Variants in PDZRN3 observed in about 807,000 individuals in gnomAD.
PDZRN3 encodes PDZ domain containing ring finger 3.
Under a neutral mutation model 85.7 loss-of-function variants are expected in PDZRN3, and 38 were observed. That is an observed-to-expected ratio of 0.44 (90% CI 0.34 to 0.58). The LOEUF (loss-of-function observed/expected upper bound fraction) is 0.58. Among genes scored for constraint, PDZRN3 ranks in the 20% least tolerant of loss-of-function variants. The pLI is 0.01. For missense variants in PDZRN3, 1,629 were observed against 1,506.4 expected, an observed-to-expected ratio of 1.08 and a Z score of -1.35; for synonymous variants, 759 against 638.0, an observed-to-expected ratio of 1.19 and a Z score of -2.86.
At position 73,391,118 on chromosome 3, in the gene PDZRN3, TAGAC is replaced by T; in HGVS notation, c.1255-6_1255-3del. The stretch of plus-strand genomic sequence containing the variant: ...GTTCATTCTGTAGAGGTCCACTTCC[TAGAC>T]AAAGAAAGGCATTCCCAGTGAGACT... On this transcript the variant is annotated splice_region_variant and splice_polypyrimidine_tract_variant and intron_variant, in intron 5 of 9. Transcript: ENST00000263666. The T allele has an allele frequency of 6.2e-7, 1 of 1,604,872 alleles. No individual in the cohort carries two copies. The highest frequency in any genetic ancestry group is 8.5e-7 in the Non-Finnish European group (1 of 1,171,896).
At chr3:73,619,661 G>A (rs1277484004) in intron 1 of PDZRN3, among the ~76,000 whole-genome samples, 1 of 152,200 alleles carries the variant, frequency 6.6e-6, no homozygotes, top group Admixed American at 6.5e-5. Flanking sequence ...AGGGGCACAT[G>A]CATCGACTCT....
intron 5 of PDZRN3, among the ~76,000 whole-genome samples, chr3:73,391,537 T>C (rs1701527801): frequency 6.6e-6 from 1 of 152,214 alleles, no homozygotes; most frequent in Non-Finnish European, 1.5e-5. Context: ...TCCCTTAATA[T>C]TCACAGTCAT....
At chr3:73,459,250 G>A (rs1703052986) in intron 3 of PDZRN3, among the ~76,000 whole-genome samples, 1 of 152,100 alleles carries the variant, frequency 6.6e-6, no homozygotes. Context: ...CTCCCACCAG[G>A]TCCCTCCCAT....
chr3:73,466,322 GAA>G (rs62777060), intron 3 of PDZRN3, among the ~76,000 whole-genome samples: 8 of 129,154 alleles, frequency 6.2e-5, no homozygotes, highest in African/African-American at 2.2e-4. Context: ...AAGAGTGATA[GAA>G]AAAAAAAAAA....
intron 3 of PDZRN3, among the ~76,000 whole-genome samples, chr3:73,426,397 T>C (rs1702316014): frequency 6.6e-6 from 1 of 152,178 alleles, no homozygotes; most frequent in African/African-American, 2.4e-5. Flanking sequence ...GAATATCAGA[T>C]GTATCTGAAA....
chr3:73,546,838 A>G (rs1701433463), intron 3 of PDZRN3, among the ~76,000 whole-genome samples: 1 of 152,230 alleles, frequency 6.6e-6, no homozygotes, highest in Non-Finnish European at 1.5e-5. Context: ...TGGAGGTGAT[A>G]TAATTTGTAA....
intron 1 of PDZRN3, among the ~76,000 whole-genome samples, chr3:73,621,966 A>G (rs2106922152): frequency 6.6e-6 from 1 of 152,344 alleles, no homozygotes; most frequent in Middle Eastern, 3.4e-3. Context: ...AGAAGAAATA[A>G]TAAACTAGCT....
intron 3 of PDZRN3, among the ~76,000 whole-genome samples, chr3:73,440,852 C>T (rs34856548): frequency 0.083 from 12,641 of 152,142 alleles, 581 homozygotes; most frequent in Middle Eastern, 0.18. Flanking sequence ...ACTTGGTTTC[C>T]CCTACTAACA....
At chr3:73,600,286 G>C (rs1487256952) in intron 3 of PDZRN3, among the ~76,000 whole-genome samples, 2 of 144,552 alleles carry the variant, frequency 1.4e-5, no homozygotes, top group African/African-American at 5.2e-5. Context: ...TAGAGACTTT[G>C]ACTCTTCTTA....
At chr3:73,601,823 C>A (rs1049953858) in intron 3 of PDZRN3, among the ~76,000 whole-genome samples, 1 of 152,110 alleles carries the variant, frequency 6.6e-6, no homozygotes, top group Non-Finnish European at 1.5e-5. Context: ...TATGTGAACC[C>A]TAATATCAAC....
intron 1 of PDZRN3, among the ~76,000 whole-genome samples, chr3:73,610,591 AG>A (rs1702668103): frequency 6.6e-6 from 1 of 152,216 alleles, no homozygotes; most frequent in Non-Finnish European, 1.5e-5. Context: ...GCTATCTTAA[AG>A]GGGTGAAAAG....
In PDZRN3 at chr3:73,383,173, A is replaced by T; in HGVS notation, c.*192T>A. 1.9e-6 allele frequency: 1 copy of T among 532,692 alleles called. No homozygotes were observed. The highest frequency in any genetic ancestry group is 3.0e-5 in the East Asian group (1 of 33,496). The allele number at this position is 532,692 out of a possible 1,614,324, so 33.0% of individuals were successfully genotyped here. On this transcript the variant is annotated 3_prime_UTR_variant, in exon 10 of 10. Transcript: ENST00000263666. ...GTTTGTTAATATTGCCTTCCAAGAT[A>T]GTAAGGGTGTTTTTCTCTCTCTTCC...
chr3:73,528,912 A>ATG (rs1704588490), intron 3 of PDZRN3, among the ~76,000 whole-genome samples: 2 of 138,026 alleles, frequency 1.4e-5, no homozygotes, highest in Admixed American at 7.3e-5. Context: ...ACACACACAC[A>ATG]CACACGCACA....
intron 3 of PDZRN3, chr3:73,408,357 C>T: frequency 1.6e-6 from 1 of 614,654 alleles, no homozygotes; most frequent in Non-Finnish European, 2.9e-6. Flanking sequence ...TAAGAATTTA[C>T]TAAGACTCCA....
chr3:73,498,903 T>C (rs1703921435), intron 3 of PDZRN3, among the ~76,000 whole-genome samples: 1 of 152,060 alleles, frequency 6.6e-6, no homozygotes, highest in East Asian at 1.9e-4. Context: ...CTTTTTACAA[T>C]ACACACAGCA....
At chr3:73,526,837 G>C (rs2106743636) in intron 3 of PDZRN3, among the ~76,000 whole-genome samples, 1 of 152,002 alleles carries the variant, frequency 6.6e-6, no homozygotes, top group South Asian at 2.1e-4. Flanking sequence ...ATAGGCGTCT[G>C]CCACCATGCC....
intron 3 of PDZRN3, among the ~76,000 whole-genome samples, chr3:73,464,488 A>G (rs1034057823): frequency 3.9e-5 from 6 of 152,192 alleles, no homozygotes; most frequent in Admixed American, 3.9e-4. Context: ...ACTCTCACAT[A>G]AGCTCTAAAC....
At chr3:73,450,602 A>C (rs757629971) in intron 3 of PDZRN3, among the ~76,000 whole-genome samples, 1 of 152,246 alleles carries the variant, frequency 6.6e-6, no homozygotes, top group African/African-American at 2.4e-5. Flanking sequence ...ATACATACAT[A>C]CATTCCAAAT....
Position 73,404,367 on chromosome 3 carries a change from G to A in PDZRN3, c.947C>T (p.Thr316Ile). 6.2e-7 allele frequency: 1 copy of A among 1,614,144 alleles called. No individual in the cohort carries two copies. Among genetic ancestry groups the A allele is most frequent in the Non-Finnish European group, 8.5e-7 (1 of 1,179,998 alleles). The stretch of plus-strand genomic sequence containing the variant: ...GAAAGCTTCCACAGCCTGGTCATGA[G>A]TTGCTCTGGATAAGTCTCTGCCGTT... ...EVNGRDLSRATHDQAVEAFKT... is the reference protein window; with the variant it reads ...EVNGRDLSRAIHDQAVEAFKT... Residue 316 changes from threonine (T) to isoleucine (I), a missense_variant, in exon 4 of 10, where the codon ACT (threonine) becomes ATT (isoleucine). By Grantham distance (89) the Thr-to-Ile change is moderately conservative (BLOSUM62 -1). Transcript: ENST00000263666.
Sources: allele counts gnomAD v4.1 joint callset (sites outside exome capture counted in the v4.1 genomes callset), GRCh38; gene constraint gnomAD v4.1.1; transcripts MANE v1.5; gene names NCBI Gene and HGNC (gene_info 2026-07-23, HGNC 2026-07-21).